Variants in CADM2 observed in about 807,000 individuals in gnomAD.
CADM2 encodes immunoglobulin superfamily member 4D.
A neutral mutation model predicts 49.8 loss-of-function variants in CADM2; 12 were observed. That is an observed-to-expected ratio of 0.24 (90% CI 0.15 to 0.39). The LOEUF is 0.39. Among genes scored for constraint, CADM2 ranks in the 10% least tolerant of loss-of-function variants. The pLI, the probability that CADM2 is intolerant of heterozygous loss-of-function variation, is 1.00. For missense variants in CADM2, 378 were observed against 492.3 expected (o/e 0.77, Z 2.20); for synonymous variants, 214 against 175.4 (o/e 1.22, Z -1.74).
intron 6 of CADM2, among the ~76,000 whole-genome samples, chr3:85,924,163 AAAATT>A (rs1409137699): frequency 6.6e-6 from 1 of 152,206 alleles, no homozygotes; most frequent in Non-Finnish European, 1.5e-5. Context: ...ACCTATTTTT[AAAATT>A]AAATTGTTTC....
At chr3:85,428,372 ATATAT>A (rs1232318050) in intron 1 of CADM2, among the ~76,000 whole-genome samples, 1 of 146,020 alleles carries the variant, frequency 6.8e-6, no homozygotes, top group East Asian at 2.0e-4. Context: ...TATATATAAT[ATATAT>A]TATATTTATT....
chr3:85,535,365 G>A (rs531997921), intron 1 of CADM2, among the ~76,000 whole-genome samples: 5 of 152,176 alleles, frequency 3.3e-5, no homozygotes, highest in East Asian at 1.9e-4. Context: ...TGTTTCCAAC[G>A]CCTCCATGGG....
intron 1 of CADM2, among the ~76,000 whole-genome samples, chr3:85,420,919 C>A (rs1194186277): frequency 6.6e-6 from 1 of 151,972 alleles, no homozygotes; most frequent in Non-Finnish European, 1.5e-5. Context: ...GTTCTGTGAA[C>A]CACTGACCTC....
intron 8 of CADM2, among the ~76,000 whole-genome samples, chr3:85,962,717 C>T (rs182189000): frequency 2.6e-4 from 40 of 151,844 alleles, no homozygotes; most frequent in Admixed American, 2.3e-3. Flanking sequence ...GGGTGCATTG[C>T]GAATCTCCAC....
intron 1 of CADM2, among the ~76,000 whole-genome samples, chr3:85,557,481 G>GT (rs146088466): frequency 0.51 from 77,341 of 151,010 alleles, 22,858 homozygotes; most frequent in East Asian, 0.85. Context: ...CTGAGCAAGA[G>GT]TTTTTTTGGA....
chr3:85,000,447 A>C (rs1482164382), intron 1 of CADM2, among the ~76,000 whole-genome samples: 1 of 135,572 alleles, frequency 7.4e-6, no homozygotes, highest in Non-Finnish European at 1.6e-5. Flanking sequence ...CTTTGTTCAC[A>C]AAAAAAAACA....
At chr3:85,754,145 G>A (rs2068989679) in intron 2 of CADM2, among the ~76,000 whole-genome samples, 1 of 152,158 alleles carries the variant, frequency 6.6e-6, no homozygotes, top group Non-Finnish European at 1.5e-5. Flanking sequence ...GTTTCTAGAA[G>A]TCATATACCA....
intron 1 of CADM2, among the ~76,000 whole-genome samples, chr3:85,132,873 C>T (rs752019756): frequency 3.3e-5 from 5 of 152,188 alleles, no homozygotes; most frequent in Non-Finnish European, 7.3e-5. Context: ...GTTTCGCTGA[C>T]TTCAAGAATG....
At chr3:85,731,050 T>A (rs1441223443) in intron 2 of CADM2, among the ~76,000 whole-genome samples, 1 of 152,122 alleles carries the variant, frequency 6.6e-6, no homozygotes, top group East Asian at 1.9e-4. Flanking sequence ...GTATTTCAAT[T>A]TGCTGAGTTT....
At chr3:85,324,785 C>G (rs893152145) in intron 1 of CADM2, among the ~76,000 whole-genome samples, 4 of 152,174 alleles carry the variant, frequency 2.6e-5, no homozygotes, top group African/African-American at 9.7e-5. Context: ...CTTAAAACCA[C>G]ATCGTGTGGG....
chr3:85,041,034 A>T (rs1325764378), intron 1 of CADM2, among the ~76,000 whole-genome samples: 2 of 152,140 alleles, frequency 1.3e-5, no homozygotes, highest in African/African-American at 4.8e-5. Flanking sequence ...TTGGACCCTC[A>T]GGCCTCTGAG....
chr3:85,056,107 A>G (rs1018629254), intron 1 of CADM2, among the ~76,000 whole-genome samples: 1 of 152,094 alleles, frequency 6.6e-6, no homozygotes, highest in Non-Finnish European at 1.5e-5. Context: ...TATTATACAC[A>G]TTAATTATTC....
intron 8 of CADM2, among the ~76,000 whole-genome samples, chr3:86,000,473 A>G (rs968730149): frequency 6.6e-6 from 1 of 152,160 alleles, no homozygotes; most frequent in African/African-American, 2.4e-5. Flanking sequence ...TTTTTATAGG[A>G]AGGTGAGAAG....
chr3:85,683,864 TAA>T (rs2066112293), intron 1 of CADM2, among the ~76,000 whole-genome samples: 3 of 152,182 alleles, frequency 2.0e-5, no homozygotes, highest in Admixed American at 2.0e-4. Context: ...TCTTGGAGGA[TAA>T]GTCTTTTGAA....
chr3:85,072,413 G>C (rs571604121), intron 1 of CADM2, among the ~76,000 whole-genome samples: 2 of 152,154 alleles, frequency 1.3e-5, no homozygotes, highest in South Asian at 4.2e-4. Flanking sequence ...AGATCTAAGT[G>C]AAAAATAAGC....
intron 1 of CADM2, among the ~76,000 whole-genome samples, chr3:85,289,777 CA>C (rs1423306762): frequency 6.6e-6 from 1 of 152,172 alleles, no homozygotes; most frequent in Non-Finnish European, 1.5e-5. Context: ...ATTTGTTAAA[CA>C]ACCACTTTGT....
Position 86,004,378 on chromosome 3 carries a change from G to C in CADM2, c.970+42731G>C, listed in dbSNP as rs77069133. Among the ~76,000 whole-genome samples, 54 of 152,214 alleles carry C rather than the reference G, an allele frequency of 3.5e-4. 1 individual carries two copies. The East Asian group carries it at 5.6e-3, about 16-fold the overall frequency. Reference sequence around the variant, plus strand: ...ATCACAGGATAGTAGCTCATGTCAGGTTCAACACATGTCACTATGTCTTTG... The same window carrying C: ...ATCACAGGATAGTAGCTCATGTCAGCTTCAACACATGTCACTATGTCTTTG... On this transcript the variant is annotated intron_variant, in intron 8 of 9. Coordinates refer to ENST00000383699, the MANE Select transcript of CADM2 (RefSeq NM_001167675.2).
intron 1 of CADM2, among the ~76,000 whole-genome samples, chr3:85,547,601 G>A (rs1015099493): frequency 1.3e-5 from 2 of 152,084 alleles, no homozygotes; most frequent in South Asian, 2.1e-4. Flanking sequence ...CTTTAATATA[G>A]GAAAGGAATT....
chr3:85,227,200 A>G (rs2042181882), intron 1 of CADM2, among the ~76,000 whole-genome samples: 1 of 152,126 alleles, frequency 6.6e-6, no homozygotes, highest in Admixed American at 6.6e-5. Flanking sequence ...TGTCTCGTTG[A>G]TCTGTCTAAT....
Sources: gnomAD v4.1 joint callset for allele counts (sites outside exome capture counted in the v4.1 genomes callset) on GRCh38, gnomAD v4.1.1 for gene constraint, MANE v1.5 for transcripts, NCBI Gene and HGNC (gene_info 2026-07-23, HGNC 2026-07-21) for gene names.